Variants in PARD3B observed in about 807,000 individuals in gnomAD.
PARD3B encodes the protein partitioning defective 3 homolog B.
In PARD3B, 103 loss-of-function variants were observed where a neutral mutation model predicts 130.2. The observed-to-expected ratio is 0.79, with a 90% CI of 0.67 to 0.93. The LOEUF (loss-of-function observed/expected upper bound fraction) is 0.93, where lower values mean the gene tolerates loss of function less well. Among genes scored for constraint, PARD3B ranks in the 40% least tolerant of loss-of-function variants. The pLI is 0.00. For missense variants in PARD3B, 1,609 were observed against 1,499.2 expected (o/e 1.07, Z -1.21); for synonymous variants, 583 against 553.2 (o/e 1.05, Z -0.76).
chr2:205,048,908 A>G (rs1698999721), intron 4 of PARD3B, among the ~76,000 whole-genome samples: 1 of 152,188 alleles, frequency 6.6e-6, no homozygotes, highest in Non-Finnish European at 1.5e-5. Context: ...AATCAGGTGT[A>G]TGTGTTCTAT....
chr2:205,077,802 G>A (rs948153088), intron 4 of PARD3B, among the ~76,000 whole-genome samples: 2 of 152,046 alleles, frequency 1.3e-5, no homozygotes, highest in African/African-American at 4.8e-5. Context: ...ATTTAAAAGA[G>A]ACTGTTCAGT....
intron 1 of PARD3B, among the ~76,000 whole-genome samples, chr2:204,668,975 G>A (rs763420785): frequency 5.9e-5 from 9 of 152,094 alleles, no homozygotes; most frequent in African/African-American, 9.7e-5. Context: ...AAGAATGTGG[G>A]CAACCTCTTC....
chr2:205,489,522 T>TATATACGTATATATATAC (rs1559141351), intron 20 of PARD3B, among the ~76,000 whole-genome samples: 4 of 126,414 alleles, frequency 3.2e-5, no homozygotes, highest in Admixed American at 8.0e-5. Flanking sequence ...TATATATATA[T>TATATACGTATATATATAC]ACACACATAT....
At chr2:205,035,611 G>A (rs890657347) in intron 3 of PARD3B, among the ~76,000 whole-genome samples, 9 of 151,538 alleles carry the variant, frequency 5.9e-5, no homozygotes, top group African/African-American at 1.7e-4. Context: ...CTGTACCTTA[G>A]TATCATGAAA....
rs149608154 is a variant in PARD3B at position 205,251,295 on chromosome 2, T to G, written c.2185+5473T>G. Among the ~76,000 whole-genome samples the G allele has an allele frequency of 1.8e-4, 27 of 152,210 alleles. No homozygotes were observed. In the East Asian group the frequency reaches 4.4e-3, roughly 25 times the overall value. On this transcript the variant is annotated intron_variant, in intron 16 of 22. Coordinates refer to ENST00000406610, the MANE Select transcript of PARD3B (RefSeq NM_001302769.2). ...CATGTACAGGAGTGTGTGGGCCAAGTTAAGAGCTGTATGAGAGAGAAGATG... is the reference window on the plus strand; with the variant it reads ...CATGTACAGGAGTGTGTGGGCCAAGGTAAGAGCTGTATGAGAGAGAAGATG...
At chr2:204,893,028 A>G (rs2046506158) in intron 2 of PARD3B, among the ~76,000 whole-genome samples, 1 of 152,160 alleles carries the variant, frequency 6.6e-6, no homozygotes, top group Admixed American at 6.6e-5. Flanking sequence ...ACTGGATGAG[A>G]CCACTTAGGG....
At chr2:204,642,360 C>A (rs1224474111) in intron 1 of PARD3B, among the ~76,000 whole-genome samples, 1 of 152,136 alleles carries the variant, frequency 6.6e-6, no homozygotes. Context: ...GTTCTTCACA[C>A]TGGAAATTGG....
chr2:204,584,786 A>C (rs2032745440), intron 1 of PARD3B, among the ~76,000 whole-genome samples: 1 of 152,184 alleles, frequency 6.6e-6, no homozygotes, highest in African/African-American at 2.4e-5. Context: ...GGATTGAATA[A>C]AGAAAGGTCT....
At chr2:205,581,674 C>T (rs946614295) in intron 22 of PARD3B, among the ~76,000 whole-genome samples, 9 of 151,228 alleles carry the variant, frequency 6.0e-5, no homozygotes, top group African/African-American at 1.7e-4. Flanking sequence ...TACCCTGATA[C>T]GATCATTACA....
chr2:205,491,442 G>T (rs990849222), intron 20 of PARD3B, among the ~76,000 whole-genome samples: 4 of 151,972 alleles, frequency 2.6e-5, no homozygotes, highest in Admixed American at 1.3e-4. Context: ...ATTTCTGAGG[G>T]TTCTGTTCTG....
intron 2 of PARD3B, among the ~76,000 whole-genome samples, chr2:204,916,536 T>A (rs2047452209): frequency 6.6e-6 from 1 of 152,210 alleles, no homozygotes; most frequent in African/African-American, 2.4e-5. Flanking sequence ...TTATTAAAAT[T>A]TACATTTTTT....
At chr2:205,200,316 G>A (rs113486104) in intron 15 of PARD3B, among the ~76,000 whole-genome samples, 2 of 152,136 alleles carry the variant, frequency 1.3e-5, no homozygotes, top group Admixed American at 6.6e-5. Flanking sequence ...ATTGGATATA[G>A]GTAATTTGGC....
rs1004776474 is a variant in PARD3B at position 204,664,509 on chromosome 2, A to AT, written c.121-21663dup. On this transcript the variant is annotated intron_variant, in intron 1 of 22. Coordinates refer to ENST00000406610, the MANE Select transcript of PARD3B (RefSeq NM_001302769.2). This position sits in a 1 kb window ranked among gnomAD's most constrained non-coding sequence, Gnocchi z 5.2. ...CATTGGTCTGCTATATTGAATGCTGATTTTTTTTTCCAGTTTGACATGATA... is the reference window on the plus strand; with the variant it reads ...CATTGGTCTGCTATATTGAATGCTGATTTTTTTTTTCCAGTTTGACATGATA... 3.4e-4 allele frequency among the ~76,000 whole-genome samples: 52 copies of AT among 151,708 alleles called. No homozygotes were observed. Among genetic ancestry groups the AT allele is most frequent in the African/African-American group, 1.1e-3 (44 of 41,370 alleles).
At chr2:205,147,439 C>T (rs1237361357) in intron 10 of PARD3B, among the ~76,000 whole-genome samples, 1 of 152,108 alleles carries the variant, frequency 6.6e-6, no homozygotes, top group African/African-American at 2.4e-5. Flanking sequence ...AAGGTACTGA[C>T]TAAATATTAC....
At chr2:205,427,261 G>C (rs1415863975) in intron 19 of PARD3B, among the ~76,000 whole-genome samples, 3 of 152,188 alleles carry the variant, frequency 2.0e-5, no homozygotes, top group Non-Finnish European at 4.4e-5. Context: ...CTGCTTCTGT[G>C]AATTCCTCCC....
intron 15 of PARD3B, among the ~76,000 whole-genome samples, chr2:205,201,559 C>T (rs182146427): frequency 3.3e-5 from 5 of 152,234 alleles, no homozygotes; most frequent in Admixed American, 1.3e-4. Flanking sequence ...ATTATAGGGC[C>T]GGGCACAGTG....
chr2:204,976,582 C>A lies in PARD3B; in HGVS notation c.394+11259C>A, dbSNP rs576935542. On this transcript the variant is annotated intron_variant, in intron 3 of 22. Coordinates refer to ENST00000406610, the MANE Select transcript of PARD3B (RefSeq NM_001302769.2). ...TCATTTGGAGGAAAAAATAAAAAAA[C>A]TCCATGTATTTAGGTAATTGATTTT... Among the ~76,000 whole-genome samples, 282 of 149,224 alleles carry A rather than the reference C, an allele frequency of 1.9e-3. 2 individuals are homozygous for A. Among genetic ancestry groups the A allele is most frequent in the African/African-American group, 6.0e-3 (244 of 40,602 alleles).
chr2:204,637,161 C>G (rs1035406766), intron 1 of PARD3B, among the ~76,000 whole-genome samples: 1 of 152,068 alleles, frequency 6.6e-6, no homozygotes, highest in Non-Finnish European at 1.5e-5. Context: ...CTCATATCCT[C>G]AGAAACTGAA....
At chr2:205,578,302 T>C (rs2053836972) in intron 22 of PARD3B, among the ~76,000 whole-genome samples, 1 of 152,224 alleles carries the variant, frequency 6.6e-6, no homozygotes, top group African/African-American at 2.4e-5. Flanking sequence ...TTCATTAATA[T>C]CATGTCATCC....
Sources: gnomAD v4.1 joint callset for allele counts (sites outside exome capture counted in the v4.1 genomes callset) on GRCh38, gnomAD v4.1.1 for gene constraint, Gnocchi (gnomAD v3.1) non-coding constraint, MANE v1.5 for transcripts, NCBI Gene and HGNC (gene_info 2026-07-23, HGNC 2026-07-21) for gene names.